TARS1: variants seen among roughly 807,000 people sequenced by gnomAD.
TARS1 encodes threonine--tRNA ligase 1, cytoplasmic.
TARS1 carries 57 observed loss-of-function variants against 97.7 expected under a neutral mutation model. The ratio of observed to expected loss-of-function variants is 0.58; its 90% CI spans 0.47 to 0.73. The LOEUF is 0.73. Ranked by LOEUF, TARS1 falls within the 30% of genes least tolerant of loss-of-function variation. TARS1 has a pLI of 0.00. For missense variants in TARS1, 806 were observed against 888.3 expected (o/e 0.91, Z 1.18); for synonymous variants, 312 against 293.7 (o/e 1.06, Z -0.64).
intron 2 of TARS1, among the ~76,000 whole-genome samples, chr5:33,447,688 C>A (rs2033499089): frequency 6.6e-6 from 1 of 152,172 alleles, no homozygotes; most frequent in African/African-American, 2.4e-5. Flanking sequence ...TGCAGTAAGT[C>A]ATTTTATATC....
intron 3 of TARS1, chr5:33,452,455 T>A: frequency 6.5e-7 from 1 of 1,527,636 alleles, no homozygotes; most frequent in Non-Finnish European, 8.8e-7. Flanking sequence ...TGCTTTATCC[T>A]CAAAGCCTTT....
At chr5:33,462,662 G>A (rs952214085) in intron 16 of TARS1, among the ~76,000 whole-genome samples, 4 of 152,148 alleles carry the variant, frequency 2.6e-5, no homozygotes, top group African/African-American at 7.2e-5. Flanking sequence ...ATGCCAAACC[G>A]ATCAACATTT....
At chr5:33,458,734 A>G in intron 10 of TARS1, 70 bp downstream of exon 10, 1 of 1,173,254 alleles carries the variant, frequency 8.5e-7, no homozygotes, top group South Asian at 1.3e-5. Flanking sequence ...AAGGTCTACT[A>G]AAAGGAAAGA....
At chr5:33,459,521 G>C (rs1467408508) in intron 10 of TARS1, among the ~76,000 whole-genome samples, 174 bp from the exon 11 acceptor site, 2 of 152,124 alleles carry the variant, frequency 1.3e-5, no homozygotes, top group Non-Finnish European at 2.9e-5. Flanking sequence ...AGCCTCCTTA[G>C]GTACATGTGC....
At chr5:33,440,829 C>G, upstream of TARS1, 1 of 551,220 alleles carries the variant, frequency 1.8e-6, no homozygotes, top group Non-Finnish European at 3.2e-6. Context: ...TCACCCTCCG[C>G]GACCTGATTT....
chr5:33,454,167 T>C (rs555767434), intron 4 of TARS1, among the ~76,000 whole-genome samples: 2 of 152,368 alleles, frequency 1.3e-5, no homozygotes, highest in East Asian at 1.9e-4. Context: ...AAAGTCAACC[T>C]GCATGTGATG....
upstream of TARS1, chr5:33,440,786 G>C (rs1741038221): frequency 2.0e-6 from 1 of 509,474 alleles, no homozygotes; most frequent in Non-Finnish European, 3.5e-6. Flanking sequence ...GGTCAGCGGA[G>C]AGTAGGCATG....
At chr5:33,465,211 A>G (rs1402777229) in intron 17 of TARS1, among the ~76,000 whole-genome samples, 1 of 152,254 alleles carries the variant, frequency 6.6e-6, no homozygotes, top group Non-Finnish European at 1.5e-5. Flanking sequence ...GTTATGTTCC[A>G]TGGTTGAGTG....
rs1742205041 is a variant in TARS1 at position 33,459,797 on chromosome 5, A to G, written c.1186A>G (p.Met396Val). 1 of 1,614,060 alleles carries G rather than the reference A, an allele frequency of 6.2e-7. No individual in the cohort carries two copies. Among genetic ancestry groups the G allele is most frequent in the Non-Finnish European group, 8.5e-7 (1 of 1,180,038 alleles). The change falls in exon 11 of 19, where the codon ATG becomes GTG. Residue 396 changes from methionine (M) to valine (V), a missense_variant. By Grantham distance (21) the Met-to-Val change is conservative (BLOSUM62 1). This residue lies in a region of TARS1 where 446 missense variants were observed against 511.0 expected (regional missense o/e 0.87). Coordinates refer to ENST00000265112, the MANE Select transcript of TARS1 (RefSeq NM_152295.5). ...CCACTGGCAGCACTACAGCGAGAAC[A>G]TGTTCTCCTTTGAGGTGGAGAAGGA... ...SGHWQHYSEN[M>V]FSFEVEKELF...
At position 33,457,451 on chromosome 5, in the gene TARS1, C is replaced by T. The variant is rs369995859; in HGVS notation, c.984+48C>T. The T allele has an allele frequency of 2.1e-5, 33 of 1,578,908 alleles. No homozygotes were observed. In the African/African-American group the frequency reaches 3.3e-4, roughly 16 times the overall value. On this transcript the variant is annotated intron_variant, in intron 9 of 18. Transcript: ENST00000265112. ...GTCTTGACTGAGTTTTCTTCAACTT[C>T]ATTTGAAGTTTGAAATTCAGCTGCA...
chr5:33,460,028 C>CTTTT, intron 11 of TARS1, 167 bp downstream of exon 11: 78 of 379,650 alleles, frequency 2.1e-4, no homozygotes, highest in Middle Eastern at 8.0e-4. Context: ...TAGATCCCCA[C>CTTTT]TTTTTTTTTT....
At chr5:33,457,481 G>A (rs1208853159) in intron 9 of TARS1, 78 bp downstream of exon 9, 180 of 1,521,470 alleles carry the variant, frequency 1.2e-4, no homozygotes, top group Non-Finnish European at 1.6e-4. Flanking sequence ...GCTGCATGAA[G>A]TACTAGGAAT....
chr5:33,444,792 TA>T (rs1741325767), intron 1 of TARS1, among the ~76,000 whole-genome samples: 1 of 152,124 alleles, frequency 6.6e-6, no homozygotes, highest in Non-Finnish European at 1.5e-5. Flanking sequence ...CATCTAATCG[TA>T]GCGTTACTAC....
In TARS1 at chr5:33,455,638, C is replaced by T; in HGVS notation, c.627C>T (p.Ile209=). ...FSSLEALCKK[I]IKEKQAFERL... is the part of the protein sequence containing the mutation. Reference sequence around the variant, plus strand: ...CTCTGGAGGCTTTGTGTAAGAAAATCATTAAAGAAAAACAAGCTTTTGAAA... The same window carrying T: ...CTCTGGAGGCTTTGTGTAAGAAAATTATTAAAGAAAAACAAGCTTTTGAAA... The change falls in exon 6 of 19, where the codon ATC becomes ATT. Residue 209 remains isoleucine, a synonymous_variant. Coordinates refer to ENST00000265112, the MANE Select transcript of TARS1 (RefSeq NM_152295.5). 2 of 1,612,822 alleles carry T rather than the reference C, an allele frequency of 1.2e-6. No individual in the cohort carries two copies. The highest frequency in any genetic ancestry group is 3.3e-4 in the Middle Eastern group (2 of 6,060).
chr5:33,459,782 C>G lies in TARS1; in HGVS notation c.1171C>G (p.His391Asp). The G allele has an allele frequency of 1.2e-6, 2 of 1,614,180 alleles. No homozygotes were observed. The highest frequency in any genetic ancestry group is 1.7e-6 in the Non-Finnish European group (2 of 1,180,034). ...CTGGATGACCTCGGGCCACTGGCAG[C>G]ACTACAGCGAGAACATGTTCTCCTT... The part of the protein sequence containing the change: ...RLWMTSGHWQ[H>D]YSENMFSFEV... The change falls in exon 11 of 19, where the codon CAC becomes GAC. Residue 391 changes from histidine to aspartate, a missense_variant. This residue lies in a region of TARS1 where 446 missense variants were observed against 511.0 expected (regional missense o/e 0.87). Coordinates refer to ENST00000265112, the MANE Select transcript of TARS1 (RefSeq NM_152295.5).
intron 8 of TARS1, 32 bp from the exon 9 acceptor site, chr5:33,457,225 A>C (rs1742061530): frequency 6.2e-7 from 1 of 1,602,998 alleles, no homozygotes. Context: ...TACAAATTTG[A>C]ATGTTGTTTC....
At chr5:33,452,644 C>G (rs566216418) in intron 3 of TARS1, among the ~76,000 whole-genome samples, 41 of 152,192 alleles carry the variant, frequency 2.7e-4, no homozygotes, top group African/African-American at 9.4e-4. Context: ...CATTTTACCT[C>G]TATATTTGTT....
chr5:33,456,045 C>A lies in TARS1; in HGVS notation c.737C>A (p.Thr246Asn). 2 of 1,613,760 alleles carry A rather than the reference C, an allele frequency of 1.2e-6. No homozygotes were observed. The highest frequency in any genetic ancestry group is 4.5e-5 in the East Asian group (2 of 44,832). The change falls in exon 7 of 19, where the codon ACT (threonine) becomes AAT (asparagine). Residue 246 changes from threonine (T) to asparagine (N), a missense_variant. Physicochemically the swap from Thr to Asn is moderately conservative, Grantham distance 65. Transcript: ENST00000265112. ...KCRILNEKVN[T>N]PTTTVYRCGP... ...CGGATATTGAATGAAAAGGTGAATACTCCAACTACCACAGTCTATAGGTAA... is the reference window on the plus strand; with the variant it reads ...CGGATATTGAATGAAAAGGTGAATAATCCAACTACCACAGTCTATAGGTAA...
intron 17 of TARS1, among the ~76,000 whole-genome samples, 164 bp downstream of exon 17, chr5:33,463,989 C>T (rs1166620715): frequency 1.3e-5 from 2 of 152,116 alleles, no homozygotes; most frequent in African/African-American, 4.8e-5. Context: ...TTCTTTAATG[C>T]TTTTCTCCAT....
Sources: gnomAD v4.1 joint callset for allele counts (sites outside exome capture counted in the v4.1 genomes callset) on GRCh38, gnomAD v4.1.1 for gene constraint, gnomAD v4.1.1 regional missense constraint, MANE v1.5 for transcripts, NCBI Gene and HGNC (gene_info 2026-07-23, HGNC 2026-07-21) for gene names.